Variants in BAD observed in about 807,000 individuals in gnomAD.
The protein encoded by BAD is BCL2 associated agonist of cell death.
BAD carries 18 observed loss-of-function variants against 17.8 expected under a neutral mutation model. The ratio of observed to expected loss-of-function variants is 1.01; its 90% CI spans 0.70 to 1.50. The LOEUF (loss-of-function observed/expected upper bound fraction) is 1.50, where lower values mean the gene tolerates loss of function less well. Among genes scored for constraint, BAD ranks in the 40% most tolerant of loss-of-function variants. The pLI, the probability that BAD is intolerant of heterozygous loss-of-function variation, is 0.00. For synonymous variants in BAD, 112 were observed against 91.5 expected (o/e 1.22, Z -1.28); for missense variants, 294 against 239.3 (o/e 1.23, Z -1.51).
chr11:64,284,442 G>A, intron 1 of BAD, 66 bp from the exon 2 acceptor site: 2 of 1,604,098 alleles, frequency 1.2e-6, no homozygotes, highest in Non-Finnish European at 1.7e-6. Context: ...GGAAGGCAGA[G>A]GCAGGTACCC....
intron 2 of BAD, among the ~76,000 whole-genome samples, chr11:64,278,948 C>G (rs763019011): frequency 1.3e-5 from 2 of 152,198 alleles, no homozygotes; most frequent in Non-Finnish European, 2.9e-5. Context: ...AAAACTAAAT[C>G]AAAAGGTTAA....
chr11:64,277,033 C>T (rs760036196), intron 2 of BAD: 4 of 714,608 alleles, frequency 5.6e-6, no homozygotes, highest in Admixed American at 2.0e-5. Flanking sequence ...AAGGAGAATA[C>T]GAAGTTCTCC....
At chr11:64,276,656 T>A in intron 2 of BAD, 1 of 480,268 alleles carries the variant, frequency 2.1e-6, no homozygotes, top group South Asian at 2.9e-5. Flanking sequence ...AGTGTTCTAT[T>A]TACAGGGAAA....
Position 64,270,493 on chromosome 11 carries a change from C to T in BAD, c.379-156G>A, listed in dbSNP as rs183531001. Reference sequence around the variant, plus strand: ...TCCACGCCGGGCGGTCAGGGACGCTCGCGAGGACGCATGGGCCCCCAGGAA... The same window carrying T: ...TCCACGCCGGGCGGTCAGGGACGCTTGCGAGGACGCATGGGCCCCCAGGAA... On this transcript the variant is annotated intron_variant, in intron 3 of 3. Coordinates refer to ENST00000309032, the MANE Select transcript of BAD (RefSeq NM_032989.3). 1.0e-4 allele frequency: 102 copies of T among 1,018,328 alleles called. No individual in the cohort carries two copies. The African/African-American group carries it at 1.4e-3, about 14-fold the overall frequency. 63.1% of individuals were successfully genotyped at this position (1,018,328 alleles called of 1,614,324 possible). A position where few individuals can be genotyped will look rare whatever the true frequency, so the allele number is the denominator to read the frequency against.
At chr11:64,270,435 G>A (rs2032421647) in intron 3 of BAD, 98 bp from the exon 4 acceptor site, 3 of 1,438,536 alleles carry the variant, frequency 2.1e-6, no homozygotes, top group Non-Finnish European at 9.3e-7. Flanking sequence ...GAGATCGGGG[G>A]GGAGATAATG....
intron 3 of BAD, 169 bp from the exon 4 acceptor site, chr11:64,270,506 G>T: frequency 1.1e-6 from 1 of 878,126 alleles, no homozygotes; most frequent in Non-Finnish European, 1.7e-6. Flanking sequence ...GAGGACGCAT[G>T]GGCCCCCAGG....
At position 64,282,001 on chromosome 11, in the gene BAD, G is replaced by A. The variant is rs367676120; in HGVS notation, c.187+2181C>T. On this transcript the variant is annotated intron_variant, in intron 2 of 3. Transcript: ENST00000309032. ...CCCAAAGTGTTGGAATTACAGGCGT[G>A]AGCCACCGCGCCCGGCCTCTCTTAA... Among the ~76,000 whole-genome samples the A allele has an allele frequency of 5.9e-5, 9 of 152,172 alleles. No homozygotes were observed. In the East Asian group the frequency reaches 1.5e-3, roughly 26 times the overall value.
intron 2 of BAD, chr11:64,275,870 GTATT>G (rs1405436858): frequency 6.6e-6 from 1 of 152,068 alleles, no homozygotes; most frequent in Non-Finnish European, 1.5e-5. Context: ...CCCTCCCTGT[GTATT>G]CATTCATTTG....
At chr11:64,277,535 G>A (rs890093252) in intron 2 of BAD, among the ~76,000 whole-genome samples, 7 of 152,156 alleles carry the variant, frequency 4.6e-5, no homozygotes, top group Non-Finnish European at 8.8e-5. Flanking sequence ...AATCCTAGGC[G>A]CAATCGATCT....
At chr11:64,273,281 G>A (rs1035935210) in intron 2 of BAD, among the ~76,000 whole-genome samples, 4 of 152,142 alleles carry the variant, frequency 2.6e-5, no homozygotes, top group Non-Finnish European at 2.9e-5. Flanking sequence ...GCTGAAGCAG[G>A]AGAACTGCTT....
intron 2 of BAD, among the ~76,000 whole-genome samples, chr11:64,276,084 G>A (rs1314247540): frequency 6.6e-6 from 1 of 152,064 alleles, no homozygotes; most frequent in Non-Finnish European, 1.5e-5. Context: ...TGTACCTTGG[G>A]CTGCCTTGGA....
At chr11:64,276,241 AT>A (rs1365768426) in intron 2 of BAD, 1 of 151,868 alleles carries the variant, frequency 6.6e-6, no homozygotes, top group East Asian at 1.9e-4. Flanking sequence ...TGTAAATTGA[AT>A]TATATATATG....
intron 2 of BAD, among the ~76,000 whole-genome samples, chr11:64,275,474 C>T (rs1331512552): frequency 6.6e-6 from 1 of 152,122 alleles, no homozygotes; most frequent in Admixed American, 6.5e-5. Context: ...GGCAGTTCCC[C>T]ATCTGCCAGG....
intron 2 of BAD, among the ~76,000 whole-genome samples, chr11:64,283,149 G>T (rs549857237): frequency 6.6e-6 from 1 of 152,292 alleles, no homozygotes; most frequent in African/African-American, 2.4e-5. Context: ...AGAGCGAGGG[G>T]AAAGAGGCCT....
chr11:64,277,855 A>T (rs1178435335), intron 2 of BAD, among the ~76,000 whole-genome samples: 1 of 152,228 alleles, frequency 6.6e-6, no homozygotes, highest in African/African-American at 2.4e-5. Context: ...CCAGAGCTGA[A>T]AGGAAACCAT....
intron 3 of BAD, 32 bp downstream of exon 3, chr11:64,271,581 C>A: frequency 7.2e-7 from 1 of 1,392,832 alleles, no homozygotes; most frequent in Non-Finnish European, 9.3e-7. Context: ...CCTGGTACTT[C>A]AGGTCCTGGC....
rs191064630 is a variant in BAD at position 64,270,433 on chromosome 11, G to A, written c.379-96C>T. 58 of 1,443,854 alleles carry A rather than the reference G, an allele frequency of 4.0e-5. 1 individual carries two copies. The Admixed American group carries it at 6.3e-4, about 16-fold the overall frequency. The allele number at this position is 1,443,854 out of a possible 1,614,324, so 89.4% of individuals were successfully genotyped here. On this transcript the variant is annotated intron_variant, in intron 3 of 3. Coordinates refer to ENST00000309032, the MANE Select transcript of BAD (RefSeq NM_032989.3). ...TGAGCCTTCCTCTAAGTGAGATCGGGGGGGAGATAATGAAGGCCACAACTC... is the reference window on the plus strand; with the variant it reads ...TGAGCCTTCCTCTAAGTGAGATCGGAGGGGAGATAATGAAGGCCACAACTC...
chr11:64,275,460 T>C (rs2032990870), intron 2 of BAD, among the ~76,000 whole-genome samples: 1 of 152,090 alleles, frequency 6.6e-6, no homozygotes, highest in East Asian at 1.9e-4. Flanking sequence ...TTCTGTGAAA[T>C]GGGGGCAGTT....
At chr11:64,279,790 C>G (rs79429697) in intron 2 of BAD, among the ~76,000 whole-genome samples, 1 of 151,244 alleles carries the variant, frequency 6.6e-6, no homozygotes, top group South Asian at 2.1e-4. Context: ...AAAAATCCCC[C>G]TCTATCCCAC....
Sources: gnomAD v4.1 joint callset for allele counts (sites outside exome capture counted in the v4.1 genomes callset) on GRCh38, gnomAD v4.1.1 for gene constraint, MANE v1.5 for transcripts, NCBI Gene and HGNC (gene_info 2026-07-23, HGNC 2026-07-21) for gene names.